The following PRDM16 variants were observed in gnomAD, a reference collection of about 807,000 sequenced individuals.
PRDM16 encodes histone-lysine N-methyltransferase PRDM16.
In PRDM16, 23 loss-of-function variants were observed where a neutral mutation model predicts 110.6. That is an observed-to-expected ratio of 0.21 (90% confidence interval 0.15 to 0.29). PRDM16 has a LOEUF of 0.29. Among genes scored for constraint, PRDM16 ranks in the 10% least tolerant of loss-of-function variants. The pLI is 1.00. For missense variants in PRDM16, 1,615 were observed against 1,794.3 expected (o/e 0.90, Z 1.81); for synonymous variants, 799 against 781.8 (o/e 1.02, Z -0.37).
chr1:3,356,715 C>T (rs769218019), intron 3 of PRDM16, among the ~76,000 whole-genome samples: 37 of 152,194 alleles, frequency 2.4e-4, no homozygotes, highest in Non-Finnish European at 4.6e-4. Context: ...AAGCTGACAG[C>T]AGGAGATGTG....
At chr1:3,234,263 C>T (rs1338336565) in intron 2 of PRDM16, among the ~76,000 whole-genome samples, 1 of 152,192 alleles carries the variant, frequency 6.6e-6, no homozygotes, top group African/African-American at 2.4e-5. Context: ...AACAGAGGGG[C>T]TTCCCGAGAC....
At chr1:3,406,243 C>T (rs1350746100) in intron 8 of PRDM16, among the ~76,000 whole-genome samples, 2 of 151,988 alleles carry the variant, frequency 1.3e-5, no homozygotes, top group East Asian at 1.9e-4. Flanking sequence ...CTGGGTGCAG[C>T]GGTGTGGGGT....
chr1:3,410,463 C>T (rs1392351115), intron 8 of PRDM16, among the ~76,000 whole-genome samples: 1 of 152,180 alleles, frequency 6.6e-6, no homozygotes, highest in African/African-American at 2.4e-5. Context: ...CATAGGGCTC[C>T]TGCCCGGGGT....
chr1:3,088,257 G>A (rs866135989), intron 1 of PRDM16, among the ~76,000 whole-genome samples: 28 of 151,756 alleles, frequency 1.8e-4, no homozygotes, highest in Middle Eastern at 6.8e-3. Context: ...GCTGGGGACC[G>A]GAGTCACTGG....
At chr1:3,232,266 G>A (rs894213896) in intron 2 of PRDM16, among the ~76,000 whole-genome samples, 5 of 152,304 alleles carry the variant, frequency 3.3e-5, no homozygotes, top group South Asian at 2.1e-4. Context: ...GGATAATGCC[G>A]GGTGGAGCTG....
intron 2 of PRDM16, among the ~76,000 whole-genome samples, chr1:3,192,971 T>C (rs1638351612): frequency 2.0e-5 from 3 of 152,300 alleles, no homozygotes; most frequent in East Asian, 1.9e-4. Context: ...TGGTGATTCA[T>C]GTGCACAGCT....
chr1:3,391,392 C>T (rs1011443760), intron 4 of PRDM16, among the ~76,000 whole-genome samples: 2 of 152,124 alleles, frequency 1.3e-5, no homozygotes, highest in African/African-American at 2.4e-5. Context: ...TCAACTGTGC[C>T]GTCTGAACCG....
At chr1:3,248,533 C>A (rs146929626) in intron 3 of PRDM16, among the ~76,000 whole-genome samples, 1 of 152,164 alleles carries the variant, frequency 6.6e-6, no homozygotes, top group Non-Finnish European at 1.5e-5. Flanking sequence ...TCGGAAAAAA[C>A]GCATCCACCC....
intron 2 of PRDM16, among the ~76,000 whole-genome samples, chr1:3,232,112 T>G (rs1639431431): frequency 6.6e-6 from 1 of 152,224 alleles, no homozygotes; most frequent in Admixed American, 6.5e-5. Flanking sequence ...CGGGCCTCTG[T>G]GTGTTGTCCC....
At chr1:3,314,602 CCTT>C (rs995282663) in intron 3 of PRDM16, among the ~76,000 whole-genome samples, 7 of 152,004 alleles carry the variant, frequency 4.6e-5, no homozygotes, top group Admixed American at 1.3e-4. Context: ...CCCCCTCCCT[CCTT>C]CTCTGTGTCA....
At chr1:3,269,260 C>T (rs564547353) in intron 3 of PRDM16, among the ~76,000 whole-genome samples, 21 of 152,276 alleles carry the variant, frequency 1.4e-4, no homozygotes, top group African/African-American at 2.4e-4. Context: ...AACACAATCC[C>T]GGAGGAGGAC....
At chr1:3,072,863 CTG>C (rs1439567308) in intron 1 of PRDM16, among the ~76,000 whole-genome samples, 2 of 152,256 alleles carry the variant, frequency 1.3e-5, no homozygotes, top group Non-Finnish European at 2.9e-5. Context: ...CGGCAGTGGA[CTG>C]TGTGTCACCC....
chr1:3,305,469 T>C (rs1275719191), intron 3 of PRDM16, among the ~76,000 whole-genome samples: 1 of 152,154 alleles, frequency 6.6e-6, no homozygotes, highest in Non-Finnish European at 1.5e-5. Flanking sequence ...CAGCTCCATG[T>C]TAGGTGTAAG....
At chr1:3,302,508 T>TAGA (rs1641228112) in intron 3 of PRDM16, among the ~76,000 whole-genome samples, 1 of 151,196 alleles carries the variant, frequency 6.6e-6, no homozygotes, top group Non-Finnish European at 1.5e-5. Flanking sequence ...ATCCATTTGT[T>TAGA]AAAAAAAAAA....
intron 1 of PRDM16, among the ~76,000 whole-genome samples, chr1:3,071,986 G>A (rs1453853817): frequency 3.3e-5 from 5 of 152,196 alleles, no homozygotes; most frequent in African/African-American, 4.8e-5. Context: ...GGGGTGACCC[G>A]GGCTTCCAGC....
chr1:3,433,899 C>A lies in PRDM16; in HGVS notation c.*88C>A. The A allele has an allele frequency of 7.3e-7, 1 of 1,366,290 alleles. No individual in the cohort carries two copies. Among genetic ancestry groups the A allele is most frequent in the Non-Finnish European group, 1.0e-6 (1 of 994,676 alleles). 84.6% of individuals were successfully genotyped at this position (1,366,290 alleles called of 1,614,324 possible). A position where few individuals can be genotyped will look rare whatever the true frequency, so the allele number is the denominator to read the frequency against. ...GGCGGGGCCCCGGAGAACCCTGTCC[C>A]TGCGTGTGGCCACTCCTCAGCATCC... On this transcript the variant is annotated 3_prime_UTR_variant, in exon 17 of 17. Coordinates refer to ENST00000270722, the MANE Select transcript of PRDM16 (RefSeq NM_022114.4).
intron 1 of PRDM16, among the ~76,000 whole-genome samples, chr1:3,119,182 C>T (rs755438351): frequency 2.0e-5 from 3 of 152,242 alleles, no homozygotes; most frequent in South Asian, 2.1e-4. Flanking sequence ...CAGCCCCTGC[C>T]TGGCAGAGCC....
At chr1:3,248,018 G>C (rs904446151) in intron 3 of PRDM16, among the ~76,000 whole-genome samples, 17 of 152,216 alleles carry the variant, frequency 1.1e-4, no homozygotes, top group Admixed American at 9.2e-4. Context: ...CGCCGGAGCC[G>C]GTAATAAAAA....
chr1:3,368,081 A>T (rs1043442590), intron 3 of PRDM16, among the ~76,000 whole-genome samples: 1 of 152,200 alleles, frequency 6.6e-6, no homozygotes, highest in East Asian at 1.9e-4. Flanking sequence ...GAGTCAGGGA[A>T]CCTTCTAGAA....
Sources: gnomAD v4.1 joint callset for allele counts (sites outside exome capture counted in the v4.1 genomes callset) on GRCh38, gnomAD v4.1.1 for gene constraint, MANE v1.5 for transcripts, NCBI Gene and HGNC (gene_info 2026-07-23, HGNC 2026-07-21) for gene names.